RSRC1: variants seen among roughly 807,000 people sequenced by gnomAD.
RSRC1 encodes arginine and serine rich coiled-coil 1.
In RSRC1, 39 loss-of-function variants were observed where a neutral mutation model predicts 49.1. The observed-to-expected ratio is 0.79, with a 90% CI of 0.61 to 1.04. The LOEUF (loss-of-function observed/expected upper bound fraction) is 1.04. RSRC1 is among the 50% of genes least tolerant of loss of function. RSRC1 has a pLI of 0.00. For missense variants in RSRC1, 388 were observed against 402.4 expected (o/e 0.96, Z 0.31); for synonymous variants, 143 against 130.8 (o/e 1.09, Z -0.63).
At chr3:158,270,341 C>G (rs898482676) in intron 4 of RSRC1, among the ~76,000 whole-genome samples, 1 of 151,866 alleles carries the variant, frequency 6.6e-6, no homozygotes, top group Non-Finnish European at 1.5e-5. Flanking sequence ...TCTTGGAACC[C>G]GACAAAAGGA....
At chr3:158,375,165 A>G (rs1214516899) in intron 6 of RSRC1, among the ~76,000 whole-genome samples, 8 of 33,676 alleles carry the variant, frequency 2.4e-4, no homozygotes, top group African/African-American at 7.0e-4. Flanking sequence ...GCAAGTTATT[A>G]TTATTATTAT....
intron 5 of RSRC1, chr3:158,303,558 A>G (rs1424622592): frequency 2.6e-5 from 4 of 152,194 alleles, no homozygotes; most frequent in African/African-American, 7.2e-5. Flanking sequence ...ATGCATTTCA[A>G]CAAGCTCCTA....
intron 6 of RSRC1, among the ~76,000 whole-genome samples, chr3:158,381,341 T>C (rs1387639324): frequency 2.0e-5 from 3 of 152,220 alleles, no homozygotes; most frequent in African/African-American, 7.2e-5. Flanking sequence ...TACATGTATC[T>C]GCTTCAAATG....
At chr3:158,111,277 A>C (rs1392935578) in intron 1 of RSRC1, among the ~76,000 whole-genome samples, 1 of 152,228 alleles carries the variant, frequency 6.6e-6, no homozygotes, top group Non-Finnish European at 1.5e-5. Flanking sequence ...CAAAGATTTC[A>C]TGCTAAGTGA....
chr3:158,145,481 A>T (rs972545630), intron 3 of RSRC1, among the ~76,000 whole-genome samples: 1 of 152,044 alleles, frequency 6.6e-6, no homozygotes, highest in Non-Finnish European at 1.5e-5. Context: ...GTTCTGTTCC[A>T]TTGGGCTATA....
intron 6 of RSRC1, among the ~76,000 whole-genome samples, chr3:158,425,523 T>C (rs1735370705): frequency 6.6e-6 from 1 of 151,842 alleles, no homozygotes; most frequent in Non-Finnish European, 1.5e-5. Context: ...TTTGGAATAG[T>C]AGATGTGGTG....
Position 158,451,648 on chromosome 3 carries a change from C to T in RSRC1, c.584-9287C>T, listed in dbSNP as rs1006565922. Among the ~76,000 whole-genome samples, 6 of 151,996 alleles carry T rather than the reference C, an allele frequency of 3.9e-5. No individual in the cohort carries two copies. The East Asian group carries it at 9.6e-4, about 24-fold the overall frequency. On this transcript the variant is annotated intron_variant, in intron 6 of 9. Coordinates refer to ENST00000611884, the MANE Select transcript of RSRC1 (RefSeq NM_001271838.2). The stretch of plus-strand genomic sequence containing the variant: ...TATCTTTGTTTATTATCTCAAAACA[C>T]ATAGCATACAAACTCATAATGCCTT...
chr3:158,406,652 A>G (rs1262933628), intron 6 of RSRC1, among the ~76,000 whole-genome samples: 1 of 152,126 alleles, frequency 6.6e-6, no homozygotes, highest in African/African-American at 2.4e-5. Context: ...GTAATCAGAA[A>G]CCATGCTCAG....
At chr3:158,121,059 T>C (rs189986255) in intron 1 of RSRC1, among the ~76,000 whole-genome samples, 1 of 152,008 alleles carries the variant, frequency 6.6e-6, no homozygotes, top group Admixed American at 6.5e-5. Flanking sequence ...TTTGAAAAAC[T>C]ATATTTTATA....
intron 3 of RSRC1, among the ~76,000 whole-genome samples, chr3:158,124,606 AC>A (rs1160412533): frequency 6.6e-6 from 1 of 151,972 alleles, no homozygotes; most frequent in East Asian, 1.9e-4. Flanking sequence ...TGTTAGTTAT[AC>A]GTCTGTTAAG....
At chr3:158,149,383 G>C (rs1717371659) in intron 3 of RSRC1, among the ~76,000 whole-genome samples, 1 of 152,126 alleles carries the variant, frequency 6.6e-6, no homozygotes, top group African/African-American at 2.4e-5. Flanking sequence ...TTGCTGGCCA[G>C]CTGTGGACTG....
At chr3:158,228,658 T>C (rs1437042353) in intron 4 of RSRC1, among the ~76,000 whole-genome samples, 1 of 148,710 alleles carries the variant, frequency 6.7e-6, no homozygotes, top group Non-Finnish European at 1.5e-5. Context: ...TGAAAATACA[T>C]CTACCAGGCT....
intron 3 of RSRC1, among the ~76,000 whole-genome samples, chr3:158,146,105 T>G (rs1024767289): frequency 6.6e-6 from 1 of 152,152 alleles, no homozygotes; most frequent in Non-Finnish European, 1.5e-5. Flanking sequence ...CTTTTCCTAA[T>G]TGAATACCCT....
At chr3:158,457,989 A>G (rs1560051551) in intron 6 of RSRC1, among the ~76,000 whole-genome samples, 1 of 152,124 alleles carries the variant, frequency 6.6e-6, no homozygotes, top group African/African-American at 2.4e-5. Context: ...CCTGAAGGGT[A>G]TGAAAAGGAA....
At chr3:158,404,961 G>GA (rs1296816412) in intron 6 of RSRC1, among the ~76,000 whole-genome samples, 6 of 151,694 alleles carry the variant, frequency 4.0e-5, no homozygotes, top group South Asian at 2.1e-4. Flanking sequence ...GTCATTAAAG[G>GA]AAAAAAATCA....
intron 7 of RSRC1, among the ~76,000 whole-genome samples, chr3:158,487,370 C>T (rs1395037255): frequency 1.3e-5 from 2 of 152,074 alleles, no homozygotes; most frequent in African/African-American, 4.8e-5. Flanking sequence ...TCTTTGATAC[C>T]ATGACACACT....
chr3:158,462,936 A>G (rs1161025131), intron 7 of RSRC1, among the ~76,000 whole-genome samples: 1 of 152,040 alleles, frequency 6.6e-6, no homozygotes, highest in Admixed American at 6.6e-5. Context: ...AAAATCTAGC[A>G]TTCTAACTAG....
intron 6 of RSRC1, among the ~76,000 whole-genome samples, chr3:158,384,985 C>G (rs1019950926): frequency 6.6e-6 from 1 of 151,898 alleles, no homozygotes; most frequent in Non-Finnish European, 1.5e-5. Context: ...AATGAGTCCC[C>G]CAAAGTGCCA....
intron 6 of RSRC1, among the ~76,000 whole-genome samples, chr3:158,392,428 CATT>C (rs1178517435): frequency 2.0e-5 from 3 of 152,038 alleles, no homozygotes; most frequent in Non-Finnish European, 4.4e-5. Context: ...TCACACCTAA[CATT>C]ATATGAGCTC....
Sources: allele counts gnomAD v4.1 joint callset (sites outside exome capture counted in the v4.1 genomes callset), GRCh38; gene constraint gnomAD v4.1.1; transcripts MANE v1.5; gene names NCBI Gene and HGNC (gene_info 2026-07-23, HGNC 2026-07-21).